The following ATP6V0A2 variants were observed in gnomAD, a reference collection of about 807,000 sequenced individuals.
The protein encoded by ATP6V0A2 is ATPase H+ transporting V0 subunit a2.
A neutral mutation model predicts 104.4 loss-of-function variants in ATP6V0A2; 58 were observed. That is an observed-to-expected ratio of 0.56 (90% CI 0.45 to 0.69). The LOEUF (loss-of-function observed/expected upper bound fraction) is 0.69, where lower values mean the gene tolerates loss of function less well. Among genes scored for constraint, ATP6V0A2 ranks in the 30% least tolerant of loss-of-function variants. The pLI, the probability that ATP6V0A2 is intolerant of heterozygous loss-of-function variation, is 0.00. For missense variants in ATP6V0A2, 938 were observed against 1,062.9 expected (o/e 0.88, Z 1.63); for synonymous variants, 376 against 397.9 (o/e 0.95, Z 0.65).
rs1956527934 is a variant in ATP6V0A2 at position 123,733,932 on chromosome 12, G to C, written c.655G>C (p.Val219Leu). 6.2e-7 allele frequency: 1 copy of C among 1,612,100 alleles called. No individual in the cohort carries two copies. The highest frequency in any genetic ancestry group is 1.3e-5 in the African/African-American group (1 of 74,910). ...CCTTATTCATTCTTTGTAGGGGGAAGTCATAAAATGGTATGTCTTTTTAAT... is the reference window on the plus strand; with the variant it reads ...CCTTATTCATTCTTTGTAGGGGGAACTCATAAAATGGTATGTCTTTTTAAT... Reference protein sequence around the residue: ...ESLEDPETGEVIKWYVFLISF... With the variant: ...ESLEDPETGELIKWYVFLISF... The change falls in exon 7 of 20, where the codon GTC becomes CTC. Residue 219 changes from valine (V) to leucine (L), a missense_variant. Coordinates refer to ENST00000330342, the MANE Select transcript of ATP6V0A2 (RefSeq NM_012463.4).
chr12:123,727,313 G>C (rs1232874649), intron 5 of ATP6V0A2, among the ~76,000 whole-genome samples: 6 of 150,822 alleles, frequency 4.0e-5, no homozygotes, highest in Admixed American at 3.3e-4. Flanking sequence ...TTTTGAGGCA[G>C]AGTCTTGTTC....
Position 123,744,072 on chromosome 12 carries a change from A to T in ATP6V0A2, c.1190-129A>T. ...CTTATTTAAAAGTATAAGGTTTTAA[A>T]TGTAACCACACAATCCTATCTTGTG... On this transcript the variant is annotated intron_variant, in intron 10 of 19. Coordinates refer to ENST00000330342, the MANE Select transcript of ATP6V0A2 (RefSeq NM_012463.4). This position sits in a 1 kb window ranked among gnomAD's most constrained non-coding sequence, Gnocchi z 5.4. The T allele has an allele frequency of 1.9e-6, 3 of 1,539,682 alleles. No homozygotes were observed. The highest frequency in any genetic ancestry group is 2.7e-6 in the Non-Finnish European group (3 of 1,114,446).
At chr12:123,733,767 C>T (rs1956526177) in intron 6 of ATP6V0A2, 159 bp from the exon 7 acceptor site, 2 of 660,842 alleles carry the variant, frequency 3.0e-6, no homozygotes. Context: ...GGGGCTGTTA[C>T]TACAAGTAGG....
chr12:123,736,638 G>A (rs1029924682), intron 8 of ATP6V0A2, among the ~76,000 whole-genome samples: 5 of 152,346 alleles, frequency 3.3e-5, no homozygotes, highest in African/African-American at 1.2e-4. Context: ...ACTCAGTTAA[G>A]CGAGAGGATT....
rs775434764 is a variant in ATP6V0A2 at position 123,744,303 on chromosome 12, A to G, written c.1292A>G (p.Asn431Ser). The G allele has an allele frequency of 6.2e-7, 1 of 1,614,240 alleles. No individual in the cohort carries two copies. Among genetic ancestry groups the G allele is most frequent in the Non-Finnish European group, 8.5e-7 (1 of 1,180,046 alleles). ...MFLFALLLVL[N>S]ENHPRLNQSQ... ...TTATTTGCCCTCTTGTTGGTGTTAA[A>G]TGAAAATCATCCCAGACTAAATCAG... Residue 431 changes from asparagine to serine, a missense_variant, in exon 11 of 20, where the codon AAT becomes AGT. Asn to Ser is a conservative substitution (Grantham distance 46). Transcript: ENST00000330342. This position sits in a 1 kb window ranked among gnomAD's most constrained non-coding sequence, Gnocchi z 5.4.
intron 15 of ATP6V0A2, chr12:123,750,676 C>G (rs1217642065): frequency 1.6e-5 from 3 of 192,850 alleles, no homozygotes; most frequent in African/African-American, 4.7e-5. Context: ...CCACGATTTT[C>G]TGTGTGTGGA....
intron 1 of ATP6V0A2, among the ~76,000 whole-genome samples, chr12:123,715,100 T>G (rs1956327649): frequency 6.6e-6 from 1 of 152,176 alleles, no homozygotes; most frequent in South Asian, 2.1e-4. Context: ...TTAATATATG[T>G]AAGCTGGTGA....
At chr12:123,757,244 C>T (rs187123320) in intron 19 of ATP6V0A2, among the ~76,000 whole-genome samples, 1 of 152,080 alleles carries the variant, frequency 6.6e-6, no homozygotes. Context: ...AGTTCAAGAC[C>T]AGCCTGGACA....
intron 1 of ATP6V0A2, among the ~76,000 whole-genome samples, chr12:123,717,314 C>CAAA (rs538974425): frequency 5.6e-5 from 6 of 106,856 alleles, no homozygotes; most frequent in African/African-American, 1.5e-4. Flanking sequence ...AACTCTGTCT[C>CAAA]AAAAAAAAAA....
chr12:123,756,985 T>G lies in ATP6V0A2; in HGVS notation c.2464T>G (p.Trp822Gly). ...SAFLHAIRLH[W>G]VEFQNKFYVG... ...GTTTCTTCACGCCATACGCCTCCAC[T>G]GGTGAGTTTGAAACCTAGCCTTGGA... The change falls in exon 19 of 20, where the codon TGG becomes GGG. Residue 822 changes from tryptophan (W) to glycine (G), a missense_variant and splice_region_variant. Coordinates refer to ENST00000330342, the MANE Select transcript of ATP6V0A2 (RefSeq NM_012463.4). The G allele has an allele frequency of 1.2e-6, 2 of 1,614,232 alleles. No individual in the cohort carries two copies. The highest frequency in any genetic ancestry group is 8.5e-7 in the Non-Finnish European group (1 of 1,180,030).
chr12:123,718,958 C>T (rs1447206661), intron 2 of ATP6V0A2, among the ~76,000 whole-genome samples: 1 of 152,078 alleles, frequency 6.6e-6, no homozygotes, highest in East Asian at 1.9e-4. Flanking sequence ...ACAGTGCTTA[C>T]TATAACATCT....
chr12:123,713,813 A>T (rs112455998), intron 1 of ATP6V0A2, among the ~76,000 whole-genome samples: 2,813 of 152,186 alleles, frequency 0.018, 48 homozygotes, highest in Non-Finnish European at 0.028. Flanking sequence ...GTTTCCCTTA[A>T]TCTTCCTAAG....
intron 6 of ATP6V0A2, chr12:123,730,723 C>A (rs553711072): frequency 1.8e-4 from 27 of 152,236 alleles, no homozygotes; most frequent in Admixed American, 1.3e-3. Flanking sequence ...AATTCTCATG[C>A]GAGCATTTAC....
chr12:123,720,554 C>T (rs1956389528), intron 2 of ATP6V0A2, among the ~76,000 whole-genome samples: 3 of 152,114 alleles, frequency 2.0e-5, no homozygotes, highest in African/African-American at 4.8e-5. Flanking sequence ...ATTAGCCAGG[C>T]ATGGTGACAT....
intron 5 of ATP6V0A2, 120 bp downstream of exon 5, chr12:123,726,405 G>A: frequency 1.3e-6 from 1 of 754,214 alleles, no homozygotes; most frequent in Non-Finnish European, 2.4e-6. Flanking sequence ...GAAACATAGT[G>A]AATATTTGTT....
Position 123,712,537 on chromosome 12 carries a change from G to A in ATP6V0A2, c.-29G>A, listed in dbSNP as rs748050797. ...CGGCTCGGAGCCGCCGCCGCCCATCGAGCCCCTCCGGGCGCGGGTCGGCCC... is the reference window on the plus strand; with the variant it reads ...CGGCTCGGAGCCGCCGCCGCCCATCAAGCCCCTCCGGGCGCGGGTCGGCCC... On this transcript the variant is annotated 5_prime_UTR_variant, in exon 1 of 20. Coordinates refer to ENST00000330342, the MANE Select transcript of ATP6V0A2 (RefSeq NM_012463.4). 1 of 1,531,400 alleles carries A rather than the reference G, an allele frequency of 6.5e-7. No homozygotes were observed. The highest frequency in any genetic ancestry group is 8.8e-7 in the Non-Finnish European group (1 of 1,138,082). 94.9% of individuals were successfully genotyped at this position (1,531,400 alleles called of 1,614,324 possible).
chr12:123,746,052 A>T (rs1354308452), intron 13 of ATP6V0A2, among the ~76,000 whole-genome samples: 1 of 152,240 alleles, frequency 6.6e-6, no homozygotes, highest in African/African-American at 2.4e-5. Flanking sequence ...TCTTAATGTA[A>T]TTGAAAACTT....
intron 17 of ATP6V0A2, chr12:123,753,879 C>T (rs1255851624): frequency 6.4e-6 from 1 of 155,656 alleles, no homozygotes; most frequent in Admixed American, 6.4e-5. Context: ...TAATTAAGTT[C>T]TAGGATCATA....
intron 18 of ATP6V0A2, 120 bp from the exon 19 acceptor site, chr12:123,756,695 T>C: frequency 2.0e-6 from 2 of 1,019,394 alleles, no homozygotes; most frequent in South Asian, 1.4e-5. Context: ...TACATGTGTG[T>C]CTATTATTTT....
Sources: allele counts gnomAD v4.1 joint callset (sites outside exome capture counted in the v4.1 genomes callset), GRCh38; gene constraint gnomAD v4.1.1; non-coding constraint Gnocchi (gnomAD v3.1); transcripts MANE v1.5; gene names NCBI Gene and HGNC (gene_info 2026-07-23, HGNC 2026-07-21).